Variants in GNL3L observed in about 807,000 individuals in gnomAD.
The protein encoded by GNL3L is guanine nucleotide-binding protein-like 3-like protein.
GNL3L carries 4 observed loss-of-function variants against 42.9 expected under a neutral mutation model. The ratio of observed to expected loss-of-function variants is 0.09; its 90% CI spans 0.05 to 0.21. The LOEUF is 0.21. GNL3L is among the 10% of genes least tolerant of loss of function. GNL3L has a pLI of 1.00. For synonymous variants in GNL3L, 159 were observed against 176.3 expected (o/e 0.90, Z 0.78); for missense variants, 412 against 481.7 (o/e 0.86, Z 1.36).
chrX:54,572,551 A>G (rs1275461941), intron 16 of GNL3L, among the ~76,000 whole-genome samples: 2 of 111,370 alleles, frequency 1.8e-5, no homozygotes, highest in Non-Finnish European at 3.8e-5. Context: ...GTGGCCGGGC[A>G]GAGGGGCTCC....
the GNL3L span, among the ~76,000 whole-genome samples, chrX:54,630,708 T>TCCTTCCTTTC: frequency 1.8e-3 from 105 of 58,637 alleles, no homozygotes; most frequent in South Asian, 3.1e-3. Context: ...CTTTCTTTCT[T>TCCTTCCTTTC]TTTCTTTCTT....
In GNL3L at chrX:54,562,756, G is replaced by A. The variant is rs1412556347; in HGVS notation, c.*2154G>A. On this transcript the variant is annotated 3_prime_UTR_variant, in exon 16 of 16. Coordinates refer to ENST00000360845, the MANE Select transcript of GNL3L (RefSeq NM_001184819.2). ...TGCAGTGAGTCGACATCACACCACT[G>A]CACTCCAGCCTGGGGGACAGAGTGA... Among the ~76,000 whole-genome samples, 1 of 107,868 alleles carries A rather than the reference G, an allele frequency of 9.3e-6. No homozygotes were observed. The highest frequency in any genetic ancestry group is 3.4e-5 in the African/African-American group (1 of 29,512). 93.7% of individuals were successfully genotyped at this position (107,868 alleles called of 115,157 possible).
chrX:54,602,045 AT>A (rs1268720733), intron 16 of GNL3L, among the ~76,000 whole-genome samples: 1 of 111,463 alleles, frequency 9.0e-6, no homozygotes, highest in Non-Finnish European at 1.9e-5. Context: ...TTCTTAAAAC[AT>A]TTGTGTACAG....
At chrX:54,608,642 A>G (rs947619520) in intron 16 of GNL3L, among the ~76,000 whole-genome samples, 1 of 111,851 alleles carries the variant, frequency 8.9e-6, no homozygotes, top group Non-Finnish European at 1.9e-5. Flanking sequence ...ACTTAGAGTA[A>G]TAGTCTCCAG....
chrX:54,581,968 A>G, intron 16 of GNL3L, among the ~76,000 whole-genome samples: 1 of 112,035 alleles, frequency 8.9e-6, no homozygotes, highest in African/African-American at 3.2e-5. Flanking sequence ...GTAGCTTTAT[A>G]TTTATTGATT....
downstream of GNL3L, among the ~76,000 whole-genome samples, chrX:54,624,202 T>A (rs898424747): frequency 1.8e-5 from 2 of 111,592 alleles, no homozygotes; most frequent in African/African-American, 6.5e-5. Flanking sequence ...ATTATTATCC[T>A]GGCTGGGTGC....
chrX:54,538,412 T>C (rs1174964552), intron 2 of GNL3L, among the ~76,000 whole-genome samples: 1 of 111,987 alleles, frequency 8.9e-6, no homozygotes, highest in Non-Finnish European at 1.9e-5. Flanking sequence ...GGAGCCATTC[T>C]TCCCAATAGG....
At chrX:54,572,955 A>G (rs1601998749) in intron 16 of GNL3L, among the ~76,000 whole-genome samples, 2 of 105,080 alleles carry the variant, frequency 1.9e-5, no homozygotes, top group East Asian at 6.2e-4. Context: ...ATGGGCGGCC[A>G]GGCAGAGACG....
At chrX:54,539,664 C>G (rs929368862) in intron 3 of GNL3L, among the ~76,000 whole-genome samples, 3 of 111,894 alleles carry the variant, frequency 2.7e-5, no homozygotes, top group African/African-American at 9.7e-5. Flanking sequence ...CTCAGAGTTT[C>G]TGATTCAGTA....
chrX:54,634,762 C>T, the GNL3L span, among the ~76,000 whole-genome samples: 1 of 100,661 alleles, frequency 9.9e-6, no homozygotes, highest in Non-Finnish European at 2.0e-5. Flanking sequence ...GCTGGGATTA[C>T]AGGTGTGAAC....
chrX:54,623,277 T>C (rs866379557), downstream of GNL3L, among the ~76,000 whole-genome samples: 2 of 109,557 alleles, frequency 1.8e-5, no homozygotes, highest in African/African-American at 7.0e-5. Flanking sequence ...TGTTTTTTTT[T>C]CCTTTGAGAC....
chrX:54,626,634 C>T, the GNL3L span, among the ~76,000 whole-genome samples: 2 of 111,623 alleles, frequency 1.8e-5, no homozygotes, highest in Non-Finnish European at 3.8e-5. Context: ...ATACTTCCAC[C>T]AACAGTGTAT....
At chrX:54,636,767 C>T in the GNL3L span, among the ~76,000 whole-genome samples, 1 of 111,916 alleles carries the variant, frequency 8.9e-6, no homozygotes. Context: ...TTATCCAATC[C>T]ACTGTTGATG....
At chrX:54,607,003 T>TC (rs1569542568) in intron 16 of GNL3L, among the ~76,000 whole-genome samples, 11 of 19,854 alleles carry the variant, frequency 5.5e-4, no homozygotes, top group Admixed American at 1.7e-3. Flanking sequence ...TTCCTTTCTT[T>TC]CTTTCTTTCT....
At position 54,541,329 on chromosome X, in the gene GNL3L, C is replaced by T. The variant is rs754070698; in HGVS notation, c.246C>T (p.Arg82=). Residue 82 remains arginine, a synonymous_variant, in exon 5 of 16, where the codon CGC becomes CGT. Coordinates refer to ENST00000360845, the MANE Select transcript of GNL3L (RefSeq NM_001184819.2). ...QAAREQERQK[R]RTIESYCQDV... is the part of the protein sequence containing the mutation. ...CCCGGGAGCAAGAAAGACAAAAACG[C>T]AGGACCATTGAGAGCTACTGTCAGG... is the stretch of plus-strand genomic sequence containing the variant. 5 of 1,210,226 alleles carry T rather than the reference C, an allele frequency of 4.1e-6. No individual in the cohort carries two copies. Among genetic ancestry groups the T allele is most frequent in the Non-Finnish European group, 4.5e-6 (4 of 894,148 alleles).
At position 54,553,408 on chromosome X, in the gene GNL3L, G is replaced by C. The variant is rs975855172; in HGVS notation, c.1318+980G>C. 4.5e-5 allele frequency among the ~76,000 whole-genome samples: 5 copies of C among 112,214 alleles called. No individual in the cohort carries two copies. The East Asian group carries it at 1.4e-3, about 31-fold the overall frequency. ...CTAGATTCTCTGTTTTTTCTCTTGA[G>C]GTCCAGTAGTTTTCCTTCTCTGGGT... On this transcript the variant is annotated intron_variant, in intron 13 of 15. Transcript: ENST00000360845.
intron 2 of GNL3L, among the ~76,000 whole-genome samples, chrX:54,538,555 G>A (rs756473463): frequency 1.6e-4 from 18 of 111,734 alleles, no homozygotes; most frequent in Non-Finnish European, 3.2e-4. Flanking sequence ...GGAGGCGGCA[G>A]CATTTTGGCT....
At chrX:54,543,365 T>C in intron 7 of GNL3L, 23 bp downstream of exon 7, 1 of 1,205,853 alleles carries the variant, frequency 8.3e-7, no homozygotes, top group Non-Finnish European at 1.1e-6. Context: ...CAGGATTGGG[T>C]GTGACAGGGA....
In GNL3L at chrX:54,548,257, C is replaced by T; in HGVS notation, c.659C>T (p.Ala220Val). The T allele has an allele frequency of 8.3e-7, 1 of 1,204,073 alleles. No individual in the cohort carries two copies. The change falls in exon 9 of 16, where the codon GCC becomes GTC. Residue 220 changes from alanine (A) to valine (V), a missense_variant. Ala to Val is a moderately conservative substitution (Grantham distance 64). Transcript: ENST00000360845. ...LNRCSVPVDQ[A>V]SESLLKSKAC... ...CGTTGCAGTGTGCCAGTAGATCAGG[C>T]CTCTGAGTCACTGCTGAAAAGCAAA...
Sources: allele counts gnomAD v4.1 joint callset (sites outside exome capture counted in the v4.1 genomes callset), GRCh38; gene constraint gnomAD v4.1.1; transcripts MANE v1.5; gene names NCBI Gene and HGNC (gene_info 2026-07-23, HGNC 2026-07-21).